The following TEX9 variants were observed in gnomAD, a reference collection of about 807,000 sequenced individuals.
The protein encoded by TEX9 is testis expressed 9, also known as testis-expressed protein 9.
TEX9 carries 74 observed loss-of-function variants against 59.6 expected under a neutral mutation model. That is an observed-to-expected ratio of 1.24 (90% CI 1.03 to 1.51). The LOEUF is 1.51. Among genes scored for constraint, TEX9 ranks in the 40% most tolerant of loss-of-function variants. The pLI is 0.00. For synonymous variants in TEX9, 186 were observed against 152.2 expected (o/e 1.22, Z -1.64); for missense variants, 522 against 447.8 (o/e 1.17, Z -1.49).
chr15:56,437,025 C>T (rs2140338873), intron 12 of TEX9, among the ~76,000 whole-genome samples: 1 of 152,234 alleles, frequency 6.6e-6, no homozygotes, highest in East Asian at 1.9e-4. Flanking sequence ...ACCAGAGGTA[C>T]AAGGAGGAGC....
Position 56,379,701 on chromosome 15 carries a change from C to T in TEX9, c.184-4251C>T, listed in dbSNP as rs374129588. Among the ~76,000 whole-genome samples, 10 of 152,234 alleles carry T rather than the reference C, an allele frequency of 6.6e-5. No individual in the cohort carries two copies. In the East Asian group the frequency reaches 1.7e-3, roughly 26 times the overall value. ...CTCTCTTTAGCTCGAATAATATTTG[C>T]TTTATGTATCTGGGTGCTCCAGTGT... is the stretch of plus-strand genomic sequence containing the variant. On this transcript the variant is annotated intron_variant, in intron 3 of 12. Transcript: ENST00000352903.
chr15:56,247,318 C>T (rs1046766278), intron 1 of TEX9, among the ~76,000 whole-genome samples: 1 of 152,150 alleles, frequency 6.6e-6, no homozygotes, highest in South Asian at 2.1e-4. Context: ...AACATATTAA[C>T]ATATATAAGA....
intron 2 of TEX9, 109 bp downstream of exon 2, chr15:56,365,779 C>T (rs2046915117): frequency 2.0e-6 from 3 of 1,504,600 alleles, no homozygotes; most frequent in Admixed American, 2.3e-5. Flanking sequence ...ACTCACTCTG[C>T]AGCATTCCCT....
the TEX9 span, chr15:56,456,324 A>G: frequency 1.4e-6 from 2 of 1,394,560 alleles, no homozygotes; most frequent in Non-Finnish European, 1.9e-6. Context: ...TTTCACTTTC[A>G]GGTGCTAAGG....
intron 12 of TEX9, among the ~76,000 whole-genome samples, chr15:56,435,956 T>G (rs1302720261): frequency 1.3e-5 from 2 of 152,050 alleles, no homozygotes; most frequent in East Asian, 1.9e-4. Flanking sequence ...GACCAAGTAG[T>G]GTTTATTACA....
At chr15:56,364,991 C>T (rs903156714), upstream of TEX9, among the ~76,000 whole-genome samples, 2 of 152,174 alleles carry the variant, frequency 1.3e-5, no homozygotes, top group Non-Finnish European at 2.9e-5. Flanking sequence ...GGTTGACTAA[C>T]TTGAGAGCCT....
intron 1 of TEX9, among the ~76,000 whole-genome samples, chr15:56,330,549 T>G (rs1401762799): frequency 6.6e-6 from 1 of 152,160 alleles, no homozygotes; most frequent in African/African-American, 2.4e-5. Context: ...ATTAGAAATT[T>G]TATTAGTTTT....
chr15:56,248,975 T>G (rs1567061491), intron 1 of TEX9: 2 of 152,198 alleles, frequency 1.3e-5, no homozygotes, highest in Non-Finnish European at 2.9e-5. Context: ...GAACCTGCTA[T>G]GTACAAGTTA....
intron 2 of TEX9, among the ~76,000 whole-genome samples, chr15:56,366,583 CCT>C (rs2046955639): frequency 1.3e-5 from 2 of 152,254 alleles, no homozygotes; most frequent in South Asian, 4.1e-4. Context: ...TTGTGAATTT[CCT>C]TTTTGTCTGT....
At chr15:56,384,105 A>G in intron 4 of TEX9, 74 bp downstream of exon 4, 2 of 1,188,108 alleles carry the variant, frequency 1.7e-6, no homozygotes, top group Admixed American at 2.1e-5. Context: ...TCTTTTTTGC[A>G]TGCAAACATT....
rs1304824266 is a variant in TEX9 at position 56,430,171 on chromosome 15, A to G, written c.*29+1698A>G. On this transcript the variant is annotated intron_variant, in intron 12 of 12. Coordinates refer to ENST00000352903, the Ensembl canonical transcript of TEX9. ...TAGCTGAAAGATGGCGATCTTATTT[A>G]TATGAGTCTAGATGTTTATGTGGCC... is the stretch of plus-strand genomic sequence containing the variant. The G allele has an allele frequency of 6.6e-6, 1 of 152,152 alleles. No individual in the cohort carries two copies. Among genetic ancestry groups the G allele is most frequent in the Non-Finnish European group, 1.5e-5 (1 of 68,024 alleles). 9.4% of individuals were successfully genotyped at this position (152,152 alleles called of 1,614,324 possible). A position where few individuals can be genotyped will look rare whatever the true frequency, so the allele number is the denominator to read the frequency against.
rs540976808 is a variant in TEX9, at chr15:56,428,173, A to AAAGT, written c.1099-189_1099-186dup. On this transcript the variant is annotated intron_variant, in intron 11 of 12. Coordinates refer to ENST00000352903, the Ensembl canonical transcript of TEX9. ...ATATTATAGAATTATTATTATCTTA[A>AAAGT]AAGTAAGTTGGTTCAGTACTACTGT... Among the ~76,000 whole-genome samples, 21 of 152,198 alleles carry AAAGT rather than the reference A, an allele frequency of 1.4e-4. No individual in the cohort carries two copies. The South Asian group carries it at 3.5e-3, about 26-fold the overall frequency.
chr15:56,261,206 G>A (rs1171338100), intron 1 of TEX9, among the ~76,000 whole-genome samples: 1 of 151,658 alleles, frequency 6.6e-6, no homozygotes, highest in Admixed American at 6.6e-5. Context: ...TCAATTTTAT[G>A]TCAGCTATTT....
At chr15:56,454,773 C>T in the TEX9 span, among the ~76,000 whole-genome samples, 1 of 152,004 alleles carries the variant, frequency 6.6e-6, no homozygotes, top group African/African-American at 2.4e-5. Context: ...TACCATAGCC[C>T]GTATCTCTTT....
At chr15:56,310,527 G>A (rs2045586861) in intron 1 of TEX9, among the ~76,000 whole-genome samples, 1 of 152,204 alleles carries the variant, frequency 6.6e-6, no homozygotes. Context: ...AGGGCTCAGA[G>A]GAGCCAAGTA....
chr15:56,457,424 C>T, the TEX9 span, among the ~76,000 whole-genome samples: 5 of 152,244 alleles, frequency 3.3e-5, no homozygotes, highest in East Asian at 9.7e-4. Flanking sequence ...AAACAAAAAA[C>T]AGTGCCAACA....
chr15:56,390,683 T>A (rs1186860109), intron 6 of TEX9, among the ~76,000 whole-genome samples: 2 of 152,184 alleles, frequency 1.3e-5, no homozygotes, highest in Non-Finnish European at 1.5e-5. Flanking sequence ...GTATTGATTG[T>A]GGTTAAGAAT....
downstream of TEX9, among the ~76,000 whole-genome samples, chr15:56,446,433 G>T (rs1175353117): frequency 6.6e-6 from 1 of 151,960 alleles, no homozygotes; most frequent in East Asian, 1.9e-4. Flanking sequence ...GAGAAAAAGA[G>T]ATGGCTTTTA....
At chr15:56,343,528 A>G (rs575113362) in intron 1 of TEX9, among the ~76,000 whole-genome samples, 1 of 152,250 alleles carries the variant, frequency 6.6e-6, no homozygotes, top group East Asian at 1.9e-4. Flanking sequence ...AGAAATGGCA[A>G]AATTACCAAT....
Sources: allele counts gnomAD v4.1 joint callset (sites outside exome capture counted in the v4.1 genomes callset), GRCh38; gene constraint gnomAD v4.1.1; transcripts MANE v1.5; gene names NCBI Gene and HGNC (gene_info 2026-07-23, HGNC 2026-07-21).